CACNA2D3: variants seen among roughly 807,000 people sequenced by gnomAD.
CACNA2D3 encodes voltage-dependent calcium channel subunit alpha-2/delta-3.
Under a neutral mutation model 160.6 loss-of-function variants are expected in CACNA2D3, and 60 were observed. The observed-to-expected ratio is 0.37, with a 90% CI of 0.30 to 0.46. CACNA2D3 has a LOEUF of 0.46. CACNA2D3 is among the 20% of genes least tolerant of loss of function. CACNA2D3 has a pLI of 1.00. For missense variants in CACNA2D3, 1,205 were observed against 1,365.0 expected, an observed-to-expected ratio of 0.88 and a Z score of 1.85; for synonymous variants, 558 against 492.9, an observed-to-expected ratio of 1.13 and a Z score of -1.75.
At chr3:55,042,575 G>A (rs1367987530) in intron 35 of CACNA2D3, among the ~76,000 whole-genome samples, 1 of 151,824 alleles carries the variant, frequency 6.6e-6, no homozygotes, top group Non-Finnish European at 1.5e-5. Context: ...ATATGTTTTG[G>A]TCTTTCTTTT....
chr3:54,934,715 C>CTGTTT (rs981640409), intron 27 of CACNA2D3, among the ~76,000 whole-genome samples: 5 of 152,058 alleles, frequency 3.3e-5, no homozygotes, highest in African/African-American at 1.2e-4. Context: ...GCTCACCAGT[C>CTGTTT]TGTTTTGTTT....
At chr3:54,190,279 C>G (rs1178712369) in intron 2 of CACNA2D3, among the ~76,000 whole-genome samples, 2 of 152,184 alleles carry the variant, frequency 1.3e-5, no homozygotes, top group East Asian at 3.8e-4. Flanking sequence ...CTACAGTATT[C>G]CTTACTGGAA....
chr3:55,024,699 G>A (rs896404928), intron 35 of CACNA2D3, among the ~76,000 whole-genome samples: 1 of 152,160 alleles, frequency 6.6e-6, no homozygotes, highest in Admixed American at 6.5e-5. Flanking sequence ...CCCACTCTGA[G>A]ATATTTTGTT....
chr3:54,445,407 A>G (rs1264544460), intron 4 of CACNA2D3, among the ~76,000 whole-genome samples: 1 of 152,206 alleles, frequency 6.6e-6, no homozygotes, highest in Non-Finnish European at 1.5e-5. Flanking sequence ...TTAACCTTGA[A>G]TACTCTTAGG....
At chr3:54,746,167 G>C (rs1384620642) in intron 11 of CACNA2D3, among the ~76,000 whole-genome samples, 2 of 152,196 alleles carry the variant, frequency 1.3e-5, no homozygotes, top group African/African-American at 4.8e-5. Flanking sequence ...TTTTCATGAA[G>C]ATAAATATTG....
chr3:54,984,409 T>A (rs892905015), intron 29 of CACNA2D3, among the ~76,000 whole-genome samples, 199 bp from the exon 30 acceptor site: 2 of 152,188 alleles, frequency 1.3e-5, no homozygotes, highest in African/African-American at 4.8e-5. Flanking sequence ...TTGTTAGTTT[T>A]GCAAAGTAAA....
chr3:54,621,701 C>T (rs1342587321), intron 9 of CACNA2D3, among the ~76,000 whole-genome samples: 1 of 152,212 alleles, frequency 6.6e-6, no homozygotes, highest in Non-Finnish European at 1.5e-5. Flanking sequence ...GCCCTTGAGG[C>T]ACTCGGGTCC....
At chr3:54,353,908 G>A (rs978480044) in intron 3 of CACNA2D3, among the ~76,000 whole-genome samples, 2 of 152,136 alleles carry the variant, frequency 1.3e-5, no homozygotes, top group Non-Finnish European at 1.5e-5. Flanking sequence ...CTATTCTTCC[G>A]TTTAGAAGTT....
chr3:54,976,576 G>A (rs1356764878), intron 29 of CACNA2D3, among the ~76,000 whole-genome samples: 1 of 152,084 alleles, frequency 6.6e-6, no homozygotes, highest in East Asian at 1.9e-4. Context: ...GTTTTCATGA[G>A]TCGATGTCCT....
intron 3 of CACNA2D3, among the ~76,000 whole-genome samples, chr3:54,320,905 G>A (rs550883694): frequency 6.6e-6 from 1 of 152,304 alleles, no homozygotes; most frequent in African/African-American, 2.4e-5. Context: ...GCTCTAGTCT[G>A]AGCATTTTCT....
intron 2 of CACNA2D3, among the ~76,000 whole-genome samples, chr3:54,296,815 A>G (rs1263642896): frequency 1.3e-5 from 2 of 152,226 alleles, no homozygotes; most frequent in Non-Finnish European, 2.9e-5. Context: ...TTGTGGGGAA[A>G]AAGGAGAGAA....
chr3:54,406,095 G>A (rs1018084513), intron 4 of CACNA2D3, among the ~76,000 whole-genome samples: 1 of 152,124 alleles, frequency 6.6e-6, no homozygotes, highest in Non-Finnish European at 1.5e-5. Flanking sequence ...TGCTGTCAGT[G>A]GGAATATAGA....
intron 3 of CACNA2D3, among the ~76,000 whole-genome samples, chr3:54,379,506 C>G (rs1699064947): frequency 6.6e-6 from 1 of 152,206 alleles, no homozygotes; most frequent in Non-Finnish European, 1.5e-5. Flanking sequence ...TGCAGGGTGG[C>G]AGGGAAAGGT....
intron 3 of CACNA2D3, among the ~76,000 whole-genome samples, chr3:54,383,909 C>T (rs1032003534): frequency 1.3e-5 from 2 of 152,050 alleles, no homozygotes; most frequent in Non-Finnish European, 2.9e-5. Context: ...TTGAAATATA[C>T]TTTATGTTTT....
chr3:54,371,619 A>C (rs1698927634), intron 3 of CACNA2D3, among the ~76,000 whole-genome samples: 1 of 152,178 alleles, frequency 6.6e-6, no homozygotes, highest in African/African-American at 2.4e-5. Context: ...CCATCACTCA[A>C]GTAAGATCTC....
Position 54,774,783 on chromosome 3 carries a change from C to T in CACNA2D3, c.1380+10432C>T, listed in dbSNP as rs191278129. 1.2e-4 allele frequency among the ~76,000 whole-genome samples: 18 copies of T among 151,708 alleles called. No homozygotes were observed. The East Asian group carries it at 1.4e-3, about 11-fold the overall frequency. ...CTGAGTAGCTGGGATTACAGGCGCC[C>T]GCCACCACACCTGGCTAACTTTTTG... On this transcript the variant is annotated intron_variant, in intron 13 of 37. Coordinates refer to ENST00000474759, the MANE Select transcript of CACNA2D3 (RefSeq NM_018398.3).
At chr3:54,742,270 T>C (rs151216979) in intron 11 of CACNA2D3, among the ~76,000 whole-genome samples, 1,560 of 152,172 alleles carry the variant, frequency 0.01, 20 homozygotes, top group African/African-American at 0.035. Flanking sequence ...AATACAAAAA[T>C]TAGCCAATGT....
chr3:54,928,880 C>A (rs770460991), intron 27 of CACNA2D3, among the ~76,000 whole-genome samples: 13 of 152,182 alleles, frequency 8.5e-5, no homozygotes, highest in Admixed American at 2.0e-4. Context: ...GACTGTGACT[C>A]TTCTCTAATT....
chr3:54,575,672 TGG>T (rs1702568716), intron 8 of CACNA2D3, among the ~76,000 whole-genome samples: 1 of 151,990 alleles, frequency 6.6e-6, no homozygotes, highest in African/African-American at 2.4e-5. Context: ...AGGGAGTAGT[TGG>T]GGGGCTGGGT....
Sources: allele counts gnomAD v4.1 joint callset (sites outside exome capture counted in the v4.1 genomes callset), GRCh38; gene constraint gnomAD v4.1.1; transcripts MANE v1.5; gene names NCBI Gene and HGNC (gene_info 2026-07-23, HGNC 2026-07-21).